EHMT1: variants seen among roughly 807,000 people sequenced by gnomAD.
The protein encoded by EHMT1 is euchromatic histone lysine methyltransferase 1.
In EHMT1, 15 loss-of-function variants were observed where a neutral mutation model predicts 147.2. The observed-to-expected ratio is 0.10, with a 90% CI of 0.07 to 0.16. The LOEUF (loss-of-function observed/expected upper bound fraction) is 0.16. EHMT1 is among the 10% of genes least tolerant of loss of function. The pLI, the probability that EHMT1 is intolerant of heterozygous loss-of-function variation, is 1.00. For synonymous variants in EHMT1, 795 were observed against 709.6 expected (o/e 1.12, Z -1.91); for missense variants, 1,587 against 1,772.4 (o/e 0.90, Z 1.88).
intron 6 of EHMT1, among the ~76,000 whole-genome samples, 161 bp from the exon 7 acceptor site, chr9:137,752,170 G>A (rs1564692498): frequency 6.6e-6 from 1 of 152,258 alleles, no homozygotes; most frequent in African/African-American, 2.4e-5. Flanking sequence ...CACCAGCCAG[G>A]GCTGGAGCAG....
At chr9:137,796,347 G>A (rs2137245312) in intron 16 of EHMT1, among the ~76,000 whole-genome samples, 1 of 152,334 alleles carries the variant, frequency 6.6e-6, no homozygotes, top group Non-Finnish European at 1.5e-5. Context: ...CGAACAGGCA[G>A]TCTAAAAACT....
intron 16 of EHMT1, chr9:137,792,031 C>T (rs1336685939): frequency 1.3e-5 from 6 of 464,764 alleles, no homozygotes; most frequent in Non-Finnish European, 2.2e-5. Flanking sequence ...CCATGCCCAG[C>T]GCTAACAGCT....
chr9:137,627,410 G>A (rs888859286), intron 1 of EHMT1, among the ~76,000 whole-genome samples: 4 of 151,558 alleles, frequency 2.6e-5, no homozygotes, highest in Non-Finnish European at 4.4e-5. Flanking sequence ...TTACAGGTGC[G>A]CACCACCACT....
chr9:137,707,820 A>G (rs1306684056), intron 1 of EHMT1, among the ~76,000 whole-genome samples: 2 of 152,168 alleles, frequency 1.3e-5, no homozygotes, highest in African/African-American at 4.8e-5. Flanking sequence ...TGGTGCCCAA[A>G]AATGCCTGTA....
At chr9:137,760,806 G>C (rs112158584) in intron 9 of EHMT1, among the ~76,000 whole-genome samples, 2 of 152,154 alleles carry the variant, frequency 1.3e-5, no homozygotes, top group Non-Finnish European at 2.9e-5. Context: ...TCAGGAGATC[G>C]AGACCATCCT....
At chr9:137,815,203 T>C (rs1588865528) in intron 22 of EHMT1, 1 of 163,728 alleles carries the variant, frequency 6.1e-6, no homozygotes, top group Admixed American at 5.7e-5. Context: ...ACATGGAGGG[T>C]CAAGTGTTTA....
At chr9:137,768,531 T>A (rs1190139597) in intron 10 of EHMT1, among the ~76,000 whole-genome samples, 1 of 27,156 alleles carries the variant, frequency 3.7e-5, no homozygotes, top group Non-Finnish European at 6.6e-5. Context: ...TTTTTTGTAT[T>A]TTTTTTTTTT....
intron 8 of EHMT1, among the ~76,000 whole-genome samples, 197 bp downstream of exon 8, chr9:137,754,488 G>T (rs1435678957): frequency 6.6e-6 from 1 of 152,108 alleles, no homozygotes; most frequent in Non-Finnish European, 1.5e-5. Flanking sequence ...TGTAGTGGAC[G>T]TTGACTTCAC....
In EHMT1 at chr9:137,812,338, C is replaced by CA. The variant is rs201534291; in HGVS notation, c.2868-660dup. ...TGGGCGACAGAGTGAGATTCTGTCT[C>CA]AAAAAAAACCCAAAAAACAAAAAAA... On this transcript the variant is annotated intron_variant, in intron 19 of 26. Transcript: ENST00000460843. 7.3e-3 allele frequency among the ~76,000 whole-genome samples: 1,100 copies of CA among 151,116 alleles called. 20 individuals are homozygous for CA. Among genetic ancestry groups the CA allele is most frequent in the African/African-American group, 0.025 (1,032 of 40,672 alleles).
rs147418149 is a variant in EHMT1 at position 137,738,208 on chromosome 9, CA to C, written c.824-5153del. 6.1e-3 allele frequency among the ~76,000 whole-genome samples: 856 copies of C among 139,618 alleles called. 9 individuals carry two copies. The highest frequency in any genetic ancestry group is 0.02 in the African/African-American group (750 of 37,200). The allele number at this position is 139,618 out of a possible 152,430, so 91.6% of individuals were successfully genotyped here. A position where few individuals can be genotyped will look rare whatever the true frequency, so the allele number is the denominator to read the frequency against. On this transcript the variant is annotated intron_variant, in intron 4 of 26. Transcript: ENST00000460843. ...GACTCTGTCTCAAAAAAAACAACAA[CA>C]AAAAAAAAACAACAAAAAAAACCCA...
intron 1 of EHMT1, chr9:137,646,528 C>T: frequency 1.2e-6 from 1 of 859,224 alleles, no homozygotes; most frequent in Non-Finnish European, 1.4e-6. Context: ...CTTGGCTGCC[C>T]AACCCTGGAG....
intron 1 of EHMT1, among the ~76,000 whole-genome samples, chr9:137,637,225 G>T (rs1350612651): frequency 1.3e-5 from 2 of 151,932 alleles, no homozygotes; most frequent in African/African-American, 4.8e-5. Flanking sequence ...GCCCAGGCTG[G>T]AGTGCAGTGG....
chr9:137,675,605 A>T (rs1941180876), intron 1 of EHMT1, among the ~76,000 whole-genome samples: 1 of 147,136 alleles, frequency 6.8e-6, no homozygotes, highest in African/African-American at 2.5e-5. Flanking sequence ...CTGGGACTAC[A>T]GGTGCCGGCC....
At chr9:137,808,254 G>A (rs1193392681) in intron 18 of EHMT1, among the ~76,000 whole-genome samples, 1 of 152,132 alleles carries the variant, frequency 6.6e-6, no homozygotes, top group African/African-American at 2.4e-5. Context: ...TGCCGGAAGT[G>A]CACAGATCTC....
intron 1 of EHMT1, among the ~76,000 whole-genome samples, chr9:137,637,817 G>A (rs370887118): frequency 5.3e-5 from 8 of 152,240 alleles, no homozygotes; most frequent in African/African-American, 1.9e-4. Context: ...GCTTTTCTTT[G>A]TTGGAAGCTT....
At chr9:137,780,830 G>GGCATCA (rs1951392899) in intron 14 of EHMT1, among the ~76,000 whole-genome samples, 2 of 86,376 alleles carry the variant, frequency 2.3e-5, no homozygotes, top group Non-Finnish European at 4.5e-5. Context: ...TGGTGATGAC[G>GGCATCA]CCGAGACGTG....
chr9:137,819,657 G>T (rs1164287281), intron 25 of EHMT1, among the ~76,000 whole-genome samples: 4 of 143,384 alleles, frequency 2.8e-5, no homozygotes, highest in Admixed American at 8.6e-5. Flanking sequence ...GGCTGAGGGG[G>T]GGGGCGCCGT....
At chr9:137,682,852 C>A (rs1276693024) in intron 1 of EHMT1, among the ~76,000 whole-genome samples, 1 of 152,178 alleles carries the variant, frequency 6.6e-6, no homozygotes. Flanking sequence ...GTGCTGGGCC[C>A]CTAGGACGAT....
chr9:137,641,056 A>C (rs187806904), intron 1 of EHMT1: 19 of 239,240 alleles, frequency 7.9e-5, no homozygotes, highest in Non-Finnish European at 1.5e-4. Context: ...CCTCCTCCTC[A>C]TCATCTTCGT....
Sources: allele counts gnomAD v4.1 joint callset (sites outside exome capture counted in the v4.1 genomes callset), GRCh38; gene constraint gnomAD v4.1.1; transcripts MANE v1.5; gene names NCBI Gene and HGNC (gene_info 2026-07-23, HGNC 2026-07-21).